AQP4: variants seen among roughly 807,000 people sequenced by gnomAD.
AQP4 encodes aquaporin-4.
In AQP4, 18 loss-of-function variants were observed where a neutral mutation model predicts 27.8. The observed-to-expected ratio is 0.65, with a 90% confidence interval of 0.45 to 0.96. The LOEUF (loss-of-function observed/expected upper bound fraction) is 0.96. AQP4 is among the 40% of genes least tolerant of loss of function. AQP4 has a pLI of 0.00. For missense variants in AQP4, 412 were observed against 408.2 expected, an observed-to-expected ratio of 1.01 and a Z score of -0.08; for synonymous variants, 141 against 142.9, an observed-to-expected ratio of 0.99 and a Z score of 0.10.
intron 1 of AQP4, among the ~76,000 whole-genome samples, chr18:26,864,845 C>T (rs1475325927): frequency 1.3e-5 from 2 of 152,074 alleles, no homozygotes; most frequent in Admixed American, 1.3e-4. Context: ...AAAGGCCAGC[C>T]CCGCTGCTCA....
intron 4 of AQP4, 28 bp from the exon 5 acceptor site, chr18:26,856,517 TG>T: frequency 6.2e-7 from 1 of 1,611,366 alleles, no homozygotes. Flanking sequence ...GAGGATAGAG[TG>T]TAAGTAGAGA....
chr18:26,865,769 T>C (rs2055051011), upstream of AQP4: 1 of 1,563,712 alleles, frequency 6.4e-7, no homozygotes, highest in Non-Finnish European at 8.8e-7. Flanking sequence ...CGGCCACTTG[T>C]CTGATTGGGT....
intron 1 of AQP4, among the ~76,000 whole-genome samples, chr18:26,864,502 A>G (rs908919124): frequency 1.3e-5 from 2 of 152,118 alleles, no homozygotes; most frequent in African/African-American, 4.8e-5. Flanking sequence ...ACGACATCAT[A>G]CTCTCTAGAG....
In AQP4 at chr18:26,857,449, C is replaced by T. The variant is rs546622728; in HGVS notation, c.694-960G>A. Among the ~76,000 whole-genome samples the T allele has an allele frequency of 7.2e-5, 11 of 152,162 alleles. No homozygotes were observed. The East Asian group carries it at 2.1e-3, about 29-fold the overall frequency. On this transcript the variant is annotated intron_variant, in intron 4 of 4. Coordinates refer to ENST00000383168, the MANE Select transcript of AQP4 (RefSeq NM_001650.7). ...TCACGCCATTCTCCTGCCTCAGCCT[C>T]CTGAGTAGCTGGGACTACAGGTGCC...
chr18:26,862,158 T>C, intron 2 of AQP4, 24 bp downstream of exon 2: 1 of 1,613,534 alleles, frequency 6.2e-7, no homozygotes, highest in Non-Finnish European at 8.5e-7. Context: ...GGAGTCCTAG[T>C]TTGAAAATAG....
intron 4 of AQP4, among the ~76,000 whole-genome samples, chr18:26,860,164 C>T (rs1307740446): frequency 6.6e-6 from 1 of 152,054 alleles, no homozygotes; most frequent in African/African-American, 2.4e-5. Flanking sequence ...AAAAGTGAGC[C>T]TTTTCTGTGA....
At chr18:26,862,905 A>T (rs931876955) in intron 1 of AQP4, 1 of 392,736 alleles carries the variant, frequency 2.5e-6, no homozygotes, top group Non-Finnish European at 4.7e-6. Flanking sequence ...TTTACCTTGT[A>T]CTTAATTCCC....
At position 26,862,230 on chromosome 18, in the gene AQP4, G is replaced by C; in HGVS notation, c.399C>G (p.Leu133=). Residue 133 remains leucine (L), a synonymous_variant, in exon 2 of 5, where the codon CTC becomes CTG. Transcript: ENST00000383168. ...CCACACTGGGAGGTGTGACCAGATA[G>C]AGGATTCCTGCTCCAATGATGGCCC... ...CLGAIIGAGI[L]YLVTPPSVVG... 6.2e-7 allele frequency: 1 copy of C among 1,614,142 alleles called. No homozygotes were observed. The highest frequency in any genetic ancestry group is 2.2e-5 in the East Asian group (1 of 44,868).
At chr18:26,862,084 G>A in intron 2 of AQP4, 98 bp downstream of exon 2, 2 of 1,367,914 alleles carry the variant, frequency 1.5e-6, no homozygotes, top group Non-Finnish European at 2.1e-6. Flanking sequence ...GAGTAAATTA[G>A]CTATTTTAGG....
At position 26,856,162 on chromosome 18, in the gene AQP4, C is replaced by CT; in HGVS notation, c.*48dup. 6.2e-7 allele frequency: 1 copy of CT among 1,607,434 alleles called. No individual in the cohort carries two copies. Among genetic ancestry groups the CT allele is most frequent in the Non-Finnish European group, 8.5e-7 (1 of 1,174,198 alleles). On this transcript the variant is annotated 3_prime_UTR_variant, in exon 5 of 5. Transcript: ENST00000383168. ...GTTTCCTTAATGGGTGGAAGGAAAT[C>CT]TGAGGACAGTTCTAAGGAGTCTTGT...
intron 1 of AQP4, chr18:26,865,308 A>G: frequency 7.4e-6 from 3 of 407,224 alleles, no homozygotes; most frequent in South Asian, 2.3e-5. Flanking sequence ...CGGACACATT[A>G]CTTTCTAGCT....
chr18:26,865,775 T>C, upstream of AQP4: 1 of 1,545,010 alleles, frequency 6.5e-7, no homozygotes, highest in Non-Finnish European at 8.9e-7. Flanking sequence ...CTTGTCTGAT[T>C]GGGTTTTTGG....
At chr18:26,860,895 G>A (rs751840335) in intron 3 of AQP4, 43 bp from the exon 4 acceptor site, 1 of 1,570,836 alleles carries the variant, frequency 6.4e-7, no homozygotes, top group East Asian at 2.2e-5. Context: ...GCTGAAACAG[G>A]GCTACTAGCA....
At position 26,856,310 on chromosome 18, in the gene AQP4, G is replaced by C; in HGVS notation, c.873C>G (p.Asp291Glu). The C allele has an allele frequency of 6.2e-7, 1 of 1,614,150 alleles. No homozygotes were observed. The change falls in exon 5 of 5, where the codon GAC becomes GAG. Residue 291 changes from aspartate (D) to glutamate (E), a missense_variant. Asp to Glu is a conservative substitution (Grantham distance 45). Transcript: ENST00000383168. The part of the protein sequence containing the change: ...EDNRSQVETD[D>E]LILKPGVVHV... Reference sequence around the variant, plus strand: ...GCACCACTCCAGGTTTTAGAATCAGGTCATCCGTCTCTACCTGACTCCTGT... The same window carrying C: ...GCACCACTCCAGGTTTTAGAATCAGCTCATCCGTCTCTACCTGACTCCTGT...
Position 26,855,403 on chromosome 18 carries a change from C to T in AQP4, c.*808G>A, listed in dbSNP as rs1447329686. 1 of 152,130 alleles carries T rather than the reference C, an allele frequency of 6.6e-6. No homozygotes were observed. Among genetic ancestry groups the T allele is most frequent in the African/African-American group, 2.4e-5 (1 of 41,428 alleles). The allele number at this position is 152,130 out of a possible 1,614,324, so 9.4% of individuals were successfully genotyped here. On this transcript the variant is annotated 3_prime_UTR_variant, in exon 5 of 5. Coordinates refer to ENST00000383168, the MANE Select transcript of AQP4 (RefSeq NM_001650.7). Reference sequence around the variant, plus strand: ...GGGTGTGCACTGAAAACAGATCAACCGTTTGATACCCGAATACAGATCTCC... The same window carrying T: ...GGGTGTGCACTGAAAACAGATCAACTGTTTGATACCCGAATACAGATCTCC...
intron 4 of AQP4, among the ~76,000 whole-genome samples, chr18:26,857,887 G>A (rs952182255): frequency 6.6e-6 from 1 of 152,318 alleles, no homozygotes; most frequent in Non-Finnish European, 1.5e-5. Flanking sequence ...ATGAAAAGAA[G>A]AGTGACACTC....
At position 26,861,191 on chromosome 18, in the gene AQP4, A is replaced by C. The variant is rs61731038; in HGVS notation, c.552T>G (p.Asp184Glu). Residue 184 changes from aspartate (D) to glutamate (E), a missense_variant, in exon 3 of 5, where the codon GAT (aspartate) becomes GAG (glutamate). By Grantham distance (45) the Asp-to-Glu change is conservative (BLOSUM62 2). Transcript: ENST00000383168. ...TTGCTAAAGCTATTGAGCCAGTGAC[A>C]TCAGTCCGTTTGGAATCACAGCTGG... ...IFASCDSKRT[D>E]VTGSIALAIG... The C allele has an allele frequency of 2.8e-5, 45 of 1,614,048 alleles. No individual in the cohort carries two copies. The highest frequency in any genetic ancestry group is 3.6e-5 in the Non-Finnish European group (43 of 1,180,010).
rs543686299 is a variant in AQP4, at chr18:26,852,902, C to T, written c.*3309G>A. On this transcript the variant is annotated 3_prime_UTR_variant, in exon 5 of 5. Transcript: ENST00000383168. ...AAAGGCAAATTCTCTGTGAATTGTTCGTAACGTGAGGTTGGTGTCAACATG... is the reference window on the plus strand; with the variant it reads ...AAAGGCAAATTCTCTGTGAATTGTTTGTAACGTGAGGTTGGTGTCAACATG... The T allele has an allele frequency of 2.3e-5, 9 of 398,470 alleles. No individual in the cohort carries two copies. The highest frequency in any genetic ancestry group is 1.3e-4 in the South Asian group (1 of 7,854). 24.7% of individuals were successfully genotyped at this position (398,470 alleles called of 1,614,324 possible). A position where few individuals can be genotyped will look rare whatever the true frequency, so the allele number is the denominator to read the frequency against.
chr18:26,862,561 A>G lies in AQP4; in HGVS notation c.68T>C (p.Met23Thr). 1.2e-6 allele frequency: 2 copies of G among 1,614,142 alleles called. No individual in the cohort carries two copies. Among genetic ancestry groups the G allele is most frequent in the Non-Finnish European group, 1.7e-6 (2 of 1,180,036 alleles). Residue 23 changes from methionine to threonine, a missense_variant, in exon 2 of 5, where the codon ATG (methionine) becomes ACG (threonine). Coordinates refer to ENST00000383168, the MANE Select transcript of AQP4 (RefSeq NM_001650.7). ...AGTCCAGACCCCTTTGAAAGCCACC[A>G]TGATGTTCTCTCTGGTACACAAAGG... Reference protein sequence around the residue: ...CGPLCTRENIMVAFKGVWTQA... With the variant: ...CGPLCTRENITVAFKGVWTQA...
Sources: gnomAD v4.1 joint callset for allele counts (sites outside exome capture counted in the v4.1 genomes callset) on GRCh38, gnomAD v4.1.1 for gene constraint, MANE v1.5 for transcripts, NCBI Gene and HGNC (gene_info 2026-07-23, HGNC 2026-07-21) for gene names.